The following TERB2 variants were observed in gnomAD, a reference collection of about 807,000 sequenced individuals.
TERB2 encodes telomere repeat binding bouquet formation protein 2, also known as telomere repeats-binding bouquet formation protein 2.
TERB2 carries 26 observed loss-of-function variants against 29.8 expected under a neutral mutation model. The ratio of observed to expected loss-of-function variants is 0.87; its 90% CI spans 0.64 to 1.21. TERB2 has a LOEUF of 1.21. TERB2 is among the 50% of genes most tolerant of loss of function. The pLI is 0.00. For synonymous variants in TERB2, 80 were observed against 90.8 expected (o/e 0.88, Z 0.68); for missense variants, 240 against 268.6 (o/e 0.89, Z 0.74).
chr15:44,964,965 C>A (rs1195423552), intron 4 of TERB2, among the ~76,000 whole-genome samples: 2 of 151,626 alleles, frequency 1.3e-5, no homozygotes, highest in Non-Finnish European at 2.9e-5. Flanking sequence ...AGTTCAAAAC[C>A]AACCTGGGCA....
At chr15:44,971,530 C>T (rs780280295) in intron 5 of TERB2, among the ~76,000 whole-genome samples, 4 of 152,010 alleles carry the variant, frequency 2.6e-5, no homozygotes, top group East Asian at 1.9e-4. Context: ...CCCAGGCAGG[C>T]GGATCACGAG....
At position 44,956,699 on chromosome 15, in the gene TERB2, T is replaced by G; in HGVS notation, c.-20T>G. Reference sequence around the variant, plus strand: ...GCTCTGCGGCCTCCTCTCTCACATCTCCACAGGCTTGGCGACGCCATGTTT... The same window carrying G: ...GCTCTGCGGCCTCCTCTCTCACATCGCCACAGGCTTGGCGACGCCATGTTT... On this transcript the variant is annotated 5_prime_UTR_variant, in exon 1 of 7. Transcript: ENST00000340827. 1.9e-6 allele frequency: 3 copies of G among 1,583,880 alleles called. No individual in the cohort carries two copies. The highest frequency in any genetic ancestry group is 4.5e-5 in the East Asian group (2 of 44,600).
At chr15:44,975,345 CAGGA>C (rs941781119) in intron 6 of TERB2, among the ~76,000 whole-genome samples, 15 of 151,954 alleles carry the variant, frequency 9.9e-5, no homozygotes, top group African/African-American at 3.4e-4. Flanking sequence ...TCTGCTTGCA[CAGGA>C]AGGAATAACT....
At chr15:44,974,037 A>G in intron 6 of TERB2, 82 bp downstream of exon 6, 1 of 1,261,712 alleles carries the variant, frequency 7.9e-7, no homozygotes, top group African/African-American at 1.5e-5. Flanking sequence ...GTTGTACTTC[A>G]GATACCTAGA....
In TERB2 at chr15:44,973,891, T is replaced by G. The variant is rs1023135918; in HGVS notation, c.459T>G (p.Thr153=). 9 of 1,598,984 alleles carry G rather than the reference T, an allele frequency of 5.6e-6. No homozygotes were observed. The African/African-American group carries it at 1.2e-4, about 21-fold the overall frequency. ...SKSPEKHFIR[T]PVVEKQMYFP... Reference sequence around the variant, plus strand: ...GCCCAGAAAAGCATTTTATAAGAACTCCAGTTGTAGAAAAGCAGATGTACT... The same window carrying G: ...GCCCAGAAAAGCATTTTATAAGAACGCCAGTTGTAGAAAAGCAGATGTACT... Residue 153 remains threonine (T), a synonymous_variant, in exon 6 of 7, where the codon ACT becomes ACG. Transcript: ENST00000340827.
Position 44,966,212 on chromosome 15 carries a change from G to A in TERB2, c.403G>A (p.Ala135Thr), listed in dbSNP as rs866428355. The change falls in exon 5 of 7, where the codon GCA becomes ACA. Residue 135 changes from alanine to threonine, a missense_variant. Transcript: ENST00000340827. The part of the protein sequence containing the change: ...IKTLRENSEL[A>T]TEHKKELSKS... ...GACCCTTAGGGAAAACAGTGAACTA[G>A]CAACAGAGCACAAAAAAGAATTATC... The A allele has an allele frequency of 1.3e-6, 2 of 1,563,944 alleles. No individual in the cohort carries two copies. Among genetic ancestry groups the A allele is most frequent in the South Asian group, 1.2e-5 (1 of 81,426 alleles).
At chr15:44,972,592 T>C (rs531400163) in intron 5 of TERB2, among the ~76,000 whole-genome samples, 1 of 151,018 alleles carries the variant, frequency 6.6e-6, no homozygotes, top group African/African-American at 2.4e-5. Context: ...CTCAGCTCAC[T>C]GCAACCTCCA....
At chr15:44,962,323 G>A (rs573146953) in intron 4 of TERB2, among the ~76,000 whole-genome samples, 12 of 151,472 alleles carry the variant, frequency 7.9e-5, no homozygotes, top group African/African-American at 2.7e-4. Flanking sequence ...CTGGGACCAC[G>A]GGCGCCAGCC....
At position 44,956,972 on chromosome 15, in the gene TERB2, G is replaced by A. The variant is rs764407847; in HGVS notation, c.141G>A (p.Thr47=). 104 of 1,613,184 alleles carry A rather than the reference G, an allele frequency of 6.4e-5. No individual in the cohort carries two copies. Among genetic ancestry groups the A allele is most frequent in the Non-Finnish European group, 8.2e-5 (97 of 1,179,884 alleles). ...LFSCDASHPD[T]LRIYQSLDYI... is the part of the protein sequence containing the mutation. ...GCTGTGATGCCTCGCACCCAGACAC[G>A]CTGAGGTACTGAGGGCGACCTGGCA... is the stretch of plus-strand genomic sequence containing the variant. Residue 47 remains threonine, a synonymous_variant, in exon 2 of 7, where the codon ACG becomes ACA. Transcript: ENST00000340827.
chr15:44,976,068 T>G (rs1014305216), intron 6 of TERB2: 1 of 152,150 alleles, frequency 6.6e-6, no homozygotes, highest in Non-Finnish European at 1.5e-5. Flanking sequence ...ATTTATTTAT[T>G]TATTTATTAT....
chr15:44,961,678 G>T (rs188509302), intron 4 of TERB2, 94 bp downstream of exon 4: 9 of 782,030 alleles, frequency 1.2e-5, no homozygotes, highest in Admixed American at 2.8e-5. Flanking sequence ...TGACATGTTA[G>T]CACCAATGAG....
At chr15:44,956,848 T>G (rs759990306) in intron 1 of TERB2, 48 bp from the exon 2 acceptor site, 9 of 1,611,262 alleles carry the variant, frequency 5.6e-6, no homozygotes, top group South Asian at 2.2e-5. Flanking sequence ...TCTGATGCTT[T>G]GGGTCCAGGG....
chr15:44,978,492 A>T lies in TERB2; in HGVS notation c.527A>T (p.Tyr176Phe). ...TTTTTTAAATTTTATTTTGTAGGTT[A>T]TATATCAATTGATGCCATGAAGAAA... ...NYPVNNMVTG[Y>F]ISIDAMKKFL... is the part of the protein sequence containing the mutation. Residue 176 changes from tyrosine (Y) to phenylalanine (F), a missense_variant, in exon 7 of 7, where the codon TAT becomes TTT. Tyr to Phe is a conservative substitution (Grantham distance 22). Coordinates refer to ENST00000340827, the MANE Select transcript of TERB2 (RefSeq NM_152448.3). 6 of 1,599,696 alleles carry T rather than the reference A, an allele frequency of 3.8e-6. No homozygotes were observed. Among genetic ancestry groups the T allele is most frequent in the Non-Finnish European group, 5.1e-6 (6 of 1,173,750 alleles).
chr15:44,974,906 CAT>C (rs1293030593), intron 6 of TERB2, among the ~76,000 whole-genome samples: 9 of 151,986 alleles, frequency 5.9e-5, no homozygotes, highest in African/African-American at 2.2e-4. Flanking sequence ...ACTTACCAAA[CAT>C]TTATTAATAT....
At chr15:44,977,467 C>A (rs1163069075) in intron 6 of TERB2, among the ~76,000 whole-genome samples, 1 of 152,170 alleles carries the variant, frequency 6.6e-6, no homozygotes, top group Non-Finnish European at 1.5e-5. Context: ...ATTAACTAAA[C>A]ACTAATAGTG....
At chr15:44,976,394 G>A (rs1164085551) in intron 6 of TERB2, among the ~76,000 whole-genome samples, 2 of 152,106 alleles carry the variant, frequency 1.3e-5, no homozygotes, top group Non-Finnish European at 2.9e-5. Context: ...GTCCTTGCTG[G>A]ATTTTGGCCA....
chr15:44,963,804 CTTTTTTTTTTTTTT>C (rs34438861), intron 4 of TERB2, among the ~76,000 whole-genome samples: 1 of 79,166 alleles, frequency 1.3e-5, no homozygotes, highest in Admixed American at 1.6e-4. Flanking sequence ...TTATACTATT[CTTTTTTTTTTTTTT>C]TTTTTTTTTT....
chr15:44,965,753 C>A (rs1891879722), intron 4 of TERB2, among the ~76,000 whole-genome samples: 1 of 151,018 alleles, frequency 6.6e-6, no homozygotes, highest in Admixed American at 6.6e-5. Flanking sequence ...TCACAGGAAT[C>A]CCTAAGTCAA....
chr15:44,973,078 A>G (rs1891994373), intron 5 of TERB2, among the ~76,000 whole-genome samples: 3 of 151,816 alleles, frequency 2.0e-5, no homozygotes, highest in African/African-American at 7.3e-5. Flanking sequence ...ATGGGCTTTC[A>G]CCATGTTGGC....
Sources: allele counts gnomAD v4.1 joint callset (sites outside exome capture counted in the v4.1 genomes callset), GRCh38; gene constraint gnomAD v4.1.1; transcripts MANE v1.5; gene names NCBI Gene and HGNC (gene_info 2026-07-23, HGNC 2026-07-21).